The following SLC13A1 variants were observed in gnomAD, a reference collection of about 807,000 sequenced individuals.
SLC13A1 encodes solute carrier family 13 member 1.
Under a neutral mutation model 70.0 loss-of-function variants are expected in SLC13A1, and 65 were observed. That is an observed-to-expected ratio of 0.93 (90% CI 0.76 to 1.14). SLC13A1 has a LOEUF of 1.14. Ranked by LOEUF, SLC13A1 falls within the 50% of genes most tolerant of loss-of-function variation. SLC13A1 has a pLI of 0.00. For missense variants in SLC13A1, 726 were observed against 717.8 expected (o/e 1.01, Z -0.13); for synonymous variants, 275 against 250.5 (o/e 1.10, Z -0.92).
At chr7:123,145,002 G>A (rs1423938711) in intron 7 of SLC13A1, among the ~76,000 whole-genome samples, 43 of 152,130 alleles carry the variant, frequency 2.8e-4, no homozygotes, top group Admixed American at 2.7e-3. Context: ...GATTATCTCT[G>A]AGATAAAGCT....
chr7:123,147,403 G>A (rs1041946261), intron 6 of SLC13A1, 93 bp from the exon 7 acceptor site: 5 of 1,397,486 alleles, frequency 3.6e-6, no homozygotes, highest in African/African-American at 1.4e-5. Context: ...CAATTCATAT[G>A]TTGAAACCCT....
At chr7:123,155,620 C>T (rs747651492) in intron 6 of SLC13A1, among the ~76,000 whole-genome samples, 22 of 152,112 alleles carry the variant, frequency 1.4e-4, no homozygotes, top group African/African-American at 2.4e-4. Context: ...ACATTTCAGG[C>T]GGTGAATATT....
intron 6 of SLC13A1, among the ~76,000 whole-genome samples, chr7:123,167,660 T>G (rs1795119549): frequency 6.6e-6 from 1 of 152,260 alleles, no homozygotes; most frequent in Middle Eastern, 3.4e-3. Flanking sequence ...TCTGGGGAAA[T>G]GAATTCTATG....
rs28364178 is a variant in SLC13A1 at position 123,180,853 on chromosome 7, TGGGG to T, written c.228+116_228+119del. 6.8e-6 allele frequency: 7 copies of T among 1,031,952 alleles called. No individual in the cohort carries two copies. The African/African-American group carries it at 1.1e-4, about 17-fold the overall frequency. 63.9% of individuals were successfully genotyped at this position (1,031,952 alleles called of 1,614,324 possible). ...CAGAGAGGAGAAACAGTTGGAAGTT[TGGGG>T]GACTTATGTGGAACCTTACCAACGA... On this transcript the variant is annotated intron_variant, in intron 2 of 14. Transcript: ENST00000194130.
chr7:123,121,894 C>T (rs138403880), intron 12 of SLC13A1, among the ~76,000 whole-genome samples: 139 of 152,190 alleles, frequency 9.1e-4, no homozygotes, highest in African/African-American at 3.2e-3. Flanking sequence ...TTGTCCACAG[C>T]CATACTCTTG....
At chr7:123,174,676 A>G (rs2116580267) in intron 2 of SLC13A1, among the ~76,000 whole-genome samples, 1 of 152,218 alleles carries the variant, frequency 6.6e-6, no homozygotes, top group African/African-American at 2.4e-5. Context: ...ATACTTCTTC[A>G]GTATAGTTTT....
At chr7:123,197,495 C>G (rs1158502402) in intron 1 of SLC13A1, among the ~76,000 whole-genome samples, 2 of 151,936 alleles carry the variant, frequency 1.3e-5, no homozygotes, top group Non-Finnish European at 2.9e-5. Flanking sequence ...CTCCAAAGGC[C>G]TACATTCTTT....
intron 3 of SLC13A1, among the ~76,000 whole-genome samples, chr7:123,170,570 A>G (rs947887737): frequency 3.3e-5 from 5 of 152,274 alleles, no homozygotes; most frequent in Admixed American, 6.5e-5. Flanking sequence ...GCACCCTAAA[A>G]GGCATGGAGC....
rs1046820491 is a variant in SLC13A1, at chr7:123,161,461, A to G, written c.660+6913T>C. ...AAATGCAATTGTTTGATGTTGAAAT[A>G]GAAAATCTGAATACTCTTAAATCCA... On this transcript the variant is annotated intron_variant, in intron 6 of 14. Coordinates refer to ENST00000194130, the MANE Select transcript of SLC13A1 (RefSeq NM_022444.4). Among the ~76,000 whole-genome samples the G allele has an allele frequency of 2.0e-5, 3 of 152,158 alleles. No individual in the cohort carries two copies. The South Asian group carries it at 6.2e-4, about 31-fold the overall frequency.
intron 1 of SLC13A1, among the ~76,000 whole-genome samples, chr7:123,187,901 T>G (rs1187136460): frequency 1.3e-5 from 2 of 152,186 alleles, no homozygotes; most frequent in Non-Finnish European, 2.9e-5. Context: ...TATCTCCACA[T>G]GCATGTCTAT....
chr7:123,140,783 T>C (rs957022302), intron 7 of SLC13A1, among the ~76,000 whole-genome samples: 2 of 152,094 alleles, frequency 1.3e-5, no homozygotes, highest in Admixed American at 1.3e-4. Context: ...TCCTTTTTCA[T>C]CTCTGATTTT....
chr7:123,150,915 C>T (rs1424803995), intron 6 of SLC13A1, among the ~76,000 whole-genome samples: 1 of 152,050 alleles, frequency 6.6e-6, no homozygotes, highest in Non-Finnish European at 1.5e-5. Flanking sequence ...TAATGTTTCT[C>T]CTTTAAAAAT....
chr7:123,122,075 T>C (rs1793399311), intron 12 of SLC13A1, among the ~76,000 whole-genome samples: 2 of 152,088 alleles, frequency 1.3e-5, no homozygotes, highest in African/African-American at 4.8e-5. Context: ...CACCTTTTCG[T>C]TTCCTCAGAT....
intron 2 of SLC13A1, among the ~76,000 whole-genome samples, chr7:123,173,252 T>C (rs1006351437): frequency 6.6e-6 from 1 of 152,160 alleles, no homozygotes; most frequent in African/African-American, 2.4e-5. Context: ...TTGCTAAGCT[T>C]GGCTTCGTTT....
chr7:123,178,434 T>A (rs1340234782), intron 2 of SLC13A1, among the ~76,000 whole-genome samples: 2 of 152,090 alleles, frequency 1.3e-5, no homozygotes, highest in African/African-American at 4.8e-5. Flanking sequence ...CAAAACAAAT[T>A]TTAACTGGGA....
chr7:123,139,318 C>T (rs1486214821), intron 7 of SLC13A1, among the ~76,000 whole-genome samples: 2 of 152,068 alleles, frequency 1.3e-5, no homozygotes, highest in African/African-American at 4.8e-5. Context: ...ATTACTATAG[C>T]TCTGCAGTGT....
intron 8 of SLC13A1, among the ~76,000 whole-genome samples, chr7:123,130,581 A>G (rs1163948718): frequency 4.6e-5 from 7 of 152,024 alleles, no homozygotes; most frequent in Admixed American, 2.6e-4. Context: ...GGAGGGAGGG[A>G]GAGCATCAAG....
intron 1 of SLC13A1, among the ~76,000 whole-genome samples, chr7:123,181,661 T>C (rs909563351): frequency 1.3e-5 from 2 of 152,164 alleles, no homozygotes; most frequent in South Asian, 2.1e-4. Context: ...AGAGCCTGAA[T>C]GCTACTCTTA....
chr7:123,146,920 A>G (rs1271350438), intron 7 of SLC13A1, among the ~76,000 whole-genome samples: 1 of 152,306 alleles, frequency 6.6e-6, no homozygotes, highest in South Asian at 2.1e-4. Context: ...GTGGTCAGCC[A>G]AGAGTTATCC....
Sources: allele counts gnomAD v4.1 joint callset (sites outside exome capture counted in the v4.1 genomes callset), GRCh38; gene constraint gnomAD v4.1.1; transcripts MANE v1.5; gene names NCBI Gene and HGNC (gene_info 2026-07-23, HGNC 2026-07-21).